HPSE2: variants seen among roughly 807,000 people sequenced by gnomAD.
HPSE2 encodes inactive heparanase-2.
A neutral mutation model predicts 60.5 loss-of-function variants in HPSE2; 38 were observed. That is an observed-to-expected ratio of 0.63 (90% CI 0.48 to 0.82). The LOEUF is 0.82. Among genes scored for constraint, HPSE2 ranks in the 40% least tolerant of loss-of-function variants. The pLI, the probability that HPSE2 is intolerant of heterozygous loss-of-function variation, is 0.00. For missense variants in HPSE2, 713 were observed against 740.4 expected, an observed-to-expected ratio of 0.96 and a Z score of 0.43; for synonymous variants, 295 against 293.2, an observed-to-expected ratio of 1.01 and a Z score of -0.06.
intron 3 of HPSE2, among the ~76,000 whole-genome samples, chr10:99,033,740 G>A (rs1328795563): frequency 4.0e-5 from 6 of 151,302 alleles, no homozygotes; most frequent in African/African-American, 7.3e-5. Context: ...CCAAGATGGC[G>A]CCACTCACTG....
At chr10:98,823,584 C>A (rs1951472840) in intron 3 of HPSE2, among the ~76,000 whole-genome samples, 1 of 152,082 alleles carries the variant, frequency 6.6e-6, no homozygotes, top group Non-Finnish European at 1.5e-5. Context: ...TATGATCATG[C>A]CACTGCACTG....
At chr10:98,527,242 G>C (rs1476563725) in intron 9 of HPSE2, among the ~76,000 whole-genome samples, 2 of 152,150 alleles carry the variant, frequency 1.3e-5, no homozygotes, top group African/African-American at 2.4e-5. Context: ...CCACAGAGCA[G>C]CTAAAGTCAT....
chr10:99,151,949 A>T (rs142134580), intron 2 of HPSE2, among the ~76,000 whole-genome samples: 1 of 152,176 alleles, frequency 6.6e-6, no homozygotes, highest in Admixed American at 6.5e-5. Context: ...AACTTCTGAC[A>T]ACCAATAATT....
intron 2 of HPSE2, among the ~76,000 whole-genome samples, chr10:99,199,998 CT>C (rs1351254043): frequency 6.6e-6 from 1 of 151,956 alleles, no homozygotes; most frequent in African/African-American, 2.4e-5. Context: ...AGTCTTTCAC[CT>C]CCTTAAGTTT....
the HPSE2 span, among the ~76,000 whole-genome samples, chr10:99,304,691 G>GCATTTGC: frequency 1.3e-5 from 2 of 152,228 alleles, no homozygotes; most frequent in Admixed American, 1.3e-4. Context: ...TGCTTTCAGG[G>GCATTTGC]CATTTGCCAT....
rs56393224 is a variant in HPSE2 at position 99,168,087 on chromosome 10, TACACACACACAC to T, written c.449-23700_449-23689del. Among the ~76,000 whole-genome samples, 541 of 144,710 alleles carry T rather than the reference TACACACACACAC, an allele frequency of 3.7e-3. 4 individuals are homozygous for T. Among genetic ancestry groups the T allele is most frequent in the Non-Finnish European group, 5.5e-3 (367 of 66,456 alleles). The allele number at this position is 144,710 out of a possible 152,430, so 94.9% of individuals were successfully genotyped here. ...CATCTATTGAGGTGATCAGCCTATT[TACACACACACAC>T]ACACACACACACACACACACACACA... On this transcript the variant is annotated intron_variant, in intron 2 of 11. Coordinates refer to ENST00000370552, the MANE Select transcript of HPSE2 (RefSeq NM_021828.5).
chr10:99,168,996 C>T (rs955912792), intron 2 of HPSE2, among the ~76,000 whole-genome samples: 1 of 151,592 alleles, frequency 6.6e-6, no homozygotes, highest in Admixed American at 6.6e-5. Context: ...AGATCGAGAC[C>T]ATCCTGTGAA....
chr10:99,060,458 G>T (rs372018719), intron 3 of HPSE2, among the ~76,000 whole-genome samples: 7 of 151,924 alleles, frequency 4.6e-5, no homozygotes, highest in African/African-American at 1.7e-4. Flanking sequence ...CAGGAGGTTG[G>T]GACCAGCCTG....
At chr10:98,929,944 C>A (rs1187712376) in intron 3 of HPSE2, among the ~76,000 whole-genome samples, 1 of 143,612 alleles carries the variant, frequency 7.0e-6, no homozygotes, top group Non-Finnish European at 1.5e-5. Context: ...GTTTTATTGG[C>A]TATTGGCCTC....
intron 3 of HPSE2, among the ~76,000 whole-genome samples, chr10:99,076,161 T>C (rs1842945678): frequency 6.6e-6 from 1 of 151,748 alleles, no homozygotes; most frequent in Non-Finnish European, 1.5e-5. Flanking sequence ...TTTCATTGAT[T>C]TTTTTTTGTA....
intron 3 of HPSE2, chr10:99,013,209 A>G (rs1957058089): frequency 1.5e-6 from 1 of 665,658 alleles, no homozygotes; most frequent in African/African-American, 1.8e-5. Flanking sequence ...AATAGATGTT[A>G]GCTTCACAAA....
chr10:99,049,553 A>G (rs900182040), intron 3 of HPSE2, among the ~76,000 whole-genome samples: 1 of 152,118 alleles, frequency 6.6e-6, no homozygotes, highest in African/African-American at 2.4e-5. Flanking sequence ...GAATAACAAT[A>G]TAATTAAAGG....
intron 5 of HPSE2, among the ~76,000 whole-genome samples, chr10:98,712,510 C>T (rs542316545): frequency 2.2e-4 from 33 of 152,092 alleles, no homozygotes; most frequent in African/African-American, 7.2e-4. Flanking sequence ...AAGATGGAAT[C>T]GATAAATCAG....
At chr10:99,085,980 T>C (rs546836140) in intron 3 of HPSE2, among the ~76,000 whole-genome samples, 1 of 152,296 alleles carries the variant, frequency 6.6e-6, no homozygotes, top group South Asian at 2.1e-4. Flanking sequence ...CTGTCACCTG[T>C]CAAAATCATA....
intron 9 of HPSE2, among the ~76,000 whole-genome samples, chr10:98,559,543 C>T (rs888664929): frequency 6.6e-6 from 1 of 152,170 alleles, no homozygotes; most frequent in African/African-American, 2.4e-5. Context: ...CTCACATGCC[C>T]CAAGTCCTTC....
intron 9 of HPSE2, among the ~76,000 whole-genome samples, chr10:98,520,932 G>T (rs1482616028): frequency 6.6e-6 from 1 of 152,192 alleles, no homozygotes; most frequent in African/African-American, 2.4e-5. Context: ...AAACTGGCTA[G>T]CCATAGGTAG....
At chr10:99,305,979 G>GCGCGTGCACACACACA in the HPSE2 span, among the ~76,000 whole-genome samples, 1 of 80,580 alleles carries the variant, frequency 1.2e-5, no homozygotes, top group African/African-American at 5.4e-5. Context: ...GCGCGCGCGC[G>GCGCGTGCACACACACA]CACACACACA....
chr10:98,898,911 C>T (rs558223834), intron 3 of HPSE2, among the ~76,000 whole-genome samples: 73 of 152,280 alleles, frequency 4.8e-4, no homozygotes, highest in African/African-American at 1.7e-3. Context: ...GTTTGCTCAA[C>T]AAATTGTGCT....
chr10:98,497,355 T>C (rs973371288), intron 9 of HPSE2, among the ~76,000 whole-genome samples: 4 of 152,178 alleles, frequency 2.6e-5, no homozygotes, highest in African/African-American at 9.6e-5. Context: ...AATCTATCAA[T>C]GACATTAAAT....
Sources: allele counts gnomAD v4.1 joint callset (sites outside exome capture counted in the v4.1 genomes callset), GRCh38; gene constraint gnomAD v4.1.1; transcripts MANE v1.5; gene names NCBI Gene and HGNC (gene_info 2026-07-23, HGNC 2026-07-21).